COL22A1: variants seen among roughly 807,000 people sequenced by gnomAD.
The protein encoded by COL22A1 is collagen type XXII alpha 1 chain.
A neutral mutation model predicts 248.9 loss-of-function variants in COL22A1; 221 were observed. The observed-to-expected ratio is 0.89, with a 90% CI of 0.80 to 0.99. The LOEUF (loss-of-function observed/expected upper bound fraction) is 0.99. Among genes scored for constraint, COL22A1 ranks in the 50% least tolerant of loss-of-function variants. COL22A1 has a pLI of 0.00. For missense variants in COL22A1, 2,240 were observed against 2,179.0 expected, an observed-to-expected ratio of 1.03 and a Z score of -0.56; for synonymous variants, 891 against 793.4, an observed-to-expected ratio of 1.12 and a Z score of -2.07.
chr8:138,802,886 C>T lies in COL22A1; in HGVS notation c.1543G>A (p.Glu515Lys). ...GPVGAPGPKG[E>K]KGDVGIGPFG... The stretch of plus-strand genomic sequence containing the variant: ...CATCTACTCACCACATCACCTTTCT[C>T]TCCCTTAGGTCCAGGAGCGCCAACC... Residue 515 changes from glutamate to lysine, a missense_variant, in exon 11 of 65, where the codon GAG (glutamate) becomes AAG (lysine). Glu to Lys is a moderately conservative substitution (Grantham distance 56). Coordinates refer to ENST00000303045, the MANE Select transcript of COL22A1 (RefSeq NM_152888.3). The T allele has an allele frequency of 6.2e-7, 1 of 1,613,960 alleles. No individual in the cohort carries two copies.
intron 30 of COL22A1, among the ~76,000 whole-genome samples, chr8:138,714,571 G>T (rs2131082677): frequency 6.6e-6 from 1 of 152,246 alleles, no homozygotes; most frequent in East Asian, 1.9e-4. Context: ...TCCCACTCTT[G>T]CTCTTCCTAG....
chr8:138,903,319 C>A (rs773016418), intron 1 of COL22A1, among the ~76,000 whole-genome samples: 2 of 152,164 alleles, frequency 1.3e-5, no homozygotes, highest in Admixed American at 6.5e-5. Flanking sequence ...GGATCACCAA[C>A]GGCTTCCTGA....
intron 3 of COL22A1, among the ~76,000 whole-genome samples, chr8:138,870,640 A>G (rs1397750722): frequency 6.6e-6 from 1 of 151,342 alleles, no homozygotes; most frequent in Non-Finnish European, 1.5e-5. Flanking sequence ...TCTGTGGTAT[A>G]CAGTGTGTTC....
intron 3 of COL22A1, among the ~76,000 whole-genome samples, chr8:138,855,701 G>A (rs374044492): frequency 2.8e-4 from 43 of 152,308 alleles, no homozygotes; most frequent in African/African-American, 9.4e-4. Flanking sequence ...GATTGTGCCC[G>A]GAAAGGATTT....
chr8:138,884,260 C>T (rs1253026990), intron 1 of COL22A1, among the ~76,000 whole-genome samples: 1 of 152,222 alleles, frequency 6.6e-6, no homozygotes, highest in East Asian at 1.9e-4. Context: ...GGCTGGGACT[C>T]TCATTCTTCA....
intron 1 of COL22A1, among the ~76,000 whole-genome samples, chr8:138,889,569 G>T (rs1256807263): frequency 1.3e-5 from 2 of 152,096 alleles, no homozygotes; most frequent in African/African-American, 2.4e-5. Context: ...GTTGTGGGGT[G>T]GGGGGAGTGG....
chr8:138,607,663 A>AT (rs1236300143), intron 57 of COL22A1, among the ~76,000 whole-genome samples: 2 of 151,942 alleles, frequency 1.3e-5, no homozygotes, highest in South Asian at 2.1e-4. Flanking sequence ...TTTGTTAAAC[A>AT]TTTTTTTAAA....
chr8:138,705,912 G>T (rs1233253423), intron 30 of COL22A1, among the ~76,000 whole-genome samples: 1 of 152,036 alleles, frequency 6.6e-6, no homozygotes, highest in African/African-American at 2.4e-5. Context: ...ACACACATAG[G>T]CTCAAAACAA....
chr8:138,753,055 C>A (rs1832734818), intron 21 of COL22A1, among the ~76,000 whole-genome samples: 1 of 152,160 alleles, frequency 6.6e-6, no homozygotes, highest in African/African-American at 2.4e-5. Context: ...GAATGAGGAT[C>A]AGAGATTAAG....
chr8:138,772,077 AC>A (rs113854192), intron 16 of COL22A1, among the ~76,000 whole-genome samples: 10,402 of 152,118 alleles, frequency 0.068, 627 homozygotes, highest in African/African-American at 0.16. Flanking sequence ...GTTTCGTCTA[AC>A]CCTGAGCGTG....
rs1216983793 is a variant in COL22A1 at position 138,861,018 on chromosome 8, T to A, written c.658+16732A>T. 2.0e-5 allele frequency among the ~76,000 whole-genome samples: 3 copies of A among 152,026 alleles called. No individual in the cohort carries two copies. In the East Asian group the frequency reaches 5.8e-4, roughly 29 times the overall value. ...TCTGCCCTGTCATCTCTCATGCACC[T>A]CCCCAGATTTGCTCAGCTCCTGCTG... On this transcript the variant is annotated intron_variant, in intron 3 of 64. Coordinates refer to ENST00000303045, the MANE Select transcript of COL22A1 (RefSeq NM_152888.3).
chr8:138,724,485 C>A, intron 25 of COL22A1, 130 bp downstream of exon 25: 4 of 830,566 alleles, frequency 4.8e-6, no homozygotes, highest in Non-Finnish European at 8.0e-6. Context: ...TCCGGGGCTG[C>A]AGGCCTTGCT....
In COL22A1 at chr8:138,607,973, G is replaced by C; in HGVS notation, c.3995C>G (p.Pro1332Arg). 6.2e-7 allele frequency: 1 copy of C among 1,614,032 alleles called. No individual in the cohort carries two copies. The highest frequency in any genetic ancestry group is 2.2e-5 in the East Asian group (1 of 44,858). ...AGGGCCAGGCTCTCCTGGAGATCCCGGTGATCCATTCTTGCCCTGGTGGAA... is the reference window on the plus strand; with the variant it reads ...AGGGCCAGGCTCTCCTGGAGATCCCCGTGATCCATTCTTGCCCTGGTGGAA... ...PRGPPGKNGS[P>R]GSPGEPGPSG... is the part of the protein sequence containing the mutation. Residue 1332 changes from proline (P) to arginine (R), a missense_variant, in exon 57 of 65, where the codon CCG (proline) becomes CGG (arginine). Physicochemically the swap from Pro to Arg is moderately radical, Grantham distance 103. Coordinates refer to ENST00000303045, the MANE Select transcript of COL22A1 (RefSeq NM_152888.3).
intron 1 of COL22A1, among the ~76,000 whole-genome samples, chr8:138,913,123 A>C (rs1367631495): frequency 6.6e-6 from 1 of 152,102 alleles, no homozygotes; most frequent in Admixed American, 6.6e-5. Flanking sequence ...TAGATCAAGA[A>C]AGCTAAGTTC....
At chr8:138,847,981 T>C (rs1055806747) in intron 3 of COL22A1, among the ~76,000 whole-genome samples, 2 of 152,104 alleles carry the variant, frequency 1.3e-5, no homozygotes, top group Admixed American at 6.6e-5. Flanking sequence ...ATGAGGGTGG[T>C]GAGAAGTGGT....
Position 138,737,437 on chromosome 8 carries a change from G to A in COL22A1, c.2139+87C>T, listed in dbSNP as rs189430823. 7.4e-6 allele frequency: 7 copies of A among 944,464 alleles called. No individual in the cohort carries two copies. The African/African-American group carries it at 8.1e-5, about 11-fold the overall frequency. 58.5% of individuals were successfully genotyped at this position (944,464 alleles called of 1,614,324 possible). ...TGATGAGGTGACCAGCAGGATTCTG[G>A]CTGCCCACCTGAGAGCTGCTGCCTG... On this transcript the variant is annotated intron_variant, in intron 23 of 64. Transcript: ENST00000303045.
At chr8:138,687,140 A>G (rs1328722708) in intron 37 of COL22A1, among the ~76,000 whole-genome samples, 1 of 152,156 alleles carries the variant, frequency 6.6e-6, no homozygotes, top group Admixed American at 6.5e-5. Flanking sequence ...TATTTTTAGT[A>G]GAGATGGGGT....
At chr8:138,745,071 G>T (rs62530663) in intron 22 of COL22A1, among the ~76,000 whole-genome samples, 18,344 of 152,214 alleles carry the variant, frequency 0.12, 1,215 homozygotes, top group Non-Finnish European at 0.16. Flanking sequence ...CACGTTTCTG[G>T]ATATATTTCT....
chr8:138,755,306 C>T (rs995818028), intron 20 of COL22A1, 96 bp from the exon 21 acceptor site: 4 of 1,401,652 alleles, frequency 2.9e-6, no homozygotes, highest in Non-Finnish European at 4.0e-6. Context: ...TCAAAGTTTA[C>T]TTTCCAAGTT....
Sources: allele counts gnomAD v4.1 joint callset (sites outside exome capture counted in the v4.1 genomes callset), GRCh38; gene constraint gnomAD v4.1.1; transcripts MANE v1.5; gene names NCBI Gene and HGNC (gene_info 2026-07-23, HGNC 2026-07-21).